DRC11: variants seen among roughly 807,000 people sequenced by gnomAD.
DRC11 encodes IQ and AAA domain-containing protein 1.
chr2:236,415,212 C>A, the DRC11 span, among the ~76,000 whole-genome samples: 1 of 152,042 alleles, frequency 6.6e-6, no homozygotes, highest in African/African-American at 2.4e-5. This position sits in a 1 kb window ranked among gnomAD's most constrained non-coding sequence, Gnocchi z 5.7. Flanking sequence ...AACATGAGGT[C>A]TTTTCAAGTT....
the DRC11 span, among the ~76,000 whole-genome samples, chr2:236,496,689 C>T: frequency 6.6e-6 from 1 of 152,174 alleles, no homozygotes; most frequent in Non-Finnish European, 1.5e-5. This position sits in a 1 kb window ranked among gnomAD's most constrained non-coding sequence, Gnocchi z 6.3. Flanking sequence ...AGGCCCACTG[C>T]CATGTAAGCC....
At chr2:236,420,243 C>T in the DRC11 span, among the ~76,000 whole-genome samples, 6 of 152,334 alleles carry the variant, frequency 3.9e-5, no homozygotes, top group South Asian at 6.2e-4. This position sits in a 1 kb window ranked among gnomAD's most constrained non-coding sequence, Gnocchi z 4.8. Flanking sequence ...CAGGGACACA[C>T]AGCTAGTGAG....
the DRC11 span, chr2:236,399,370 C>T: frequency 5.4e-5 from 80 of 1,485,506 alleles, no homozygotes; most frequent in East Asian, 8.6e-4. The surrounding 1 kb of genome is among the most constrained non-coding windows in gnomAD (Gnocchi z 7.0). Context: ...GTTCCCAGCA[C>T]GTGCTGCTGT....
the DRC11 span, chr2:236,493,649 G>A: frequency 2.6e-6 from 2 of 771,146 alleles, no homozygotes; most frequent in African/African-American, 1.8e-5. Context: ...TATAACGAGG[G>A]AGGGATCATT....
chr2:236,439,826 C>T, the DRC11 span, among the ~76,000 whole-genome samples: 1 of 151,772 alleles, frequency 6.6e-6, no homozygotes, highest in Non-Finnish European at 1.5e-5. Flanking sequence ...ATTTTATTTC[C>T]TTAAAAAAGA....
At chr2:236,392,957 G>A in the DRC11 span, among the ~76,000 whole-genome samples, 1 of 152,126 alleles carries the variant, frequency 6.6e-6, no homozygotes, top group East Asian at 1.9e-4. The surrounding 1 kb of genome is among the most constrained non-coding windows in gnomAD (Gnocchi z 5.1). Context: ...GGTGGACCTG[G>A]AGAAACATGA....
chr2:236,406,953 G>A, the DRC11 span, among the ~76,000 whole-genome samples: 1,375 of 152,212 alleles, frequency 9.0e-3, 19 homozygotes, highest in African/African-American at 0.031. This position sits in a 1 kb window ranked among gnomAD's most constrained non-coding sequence, Gnocchi z 4.7. Flanking sequence ...CACCATGTTG[G>A]CCAGGATGGT....
At chr2:236,346,857 T>C in the DRC11 span, 58,294 of 165,962 alleles carry the variant, frequency 0.35, 10,580 homozygotes, top group Non-Finnish European at 0.4. Context: ...GGCGAGTGGG[T>C]TCAACCATGT....
the DRC11 span, among the ~76,000 whole-genome samples, chr2:236,463,634 A>G: frequency 1.3e-5 from 2 of 152,382 alleles, no homozygotes; most frequent in East Asian, 3.9e-4. This position sits in a 1 kb window ranked among gnomAD's most constrained non-coding sequence, Gnocchi z 5.0. Flanking sequence ...GATCCCACAT[A>G]AAGTTAACAC....
the DRC11 span, among the ~76,000 whole-genome samples, chr2:236,451,763 G>A: frequency 4.6e-5 from 7 of 152,256 alleles, no homozygotes; most frequent in Admixed American, 3.9e-4. Flanking sequence ...GATGTATAAT[G>A]AAAATTGTAT....
the DRC11 span, among the ~76,000 whole-genome samples, chr2:236,455,676 C>A: frequency 2.0e-5 from 3 of 152,212 alleles, no homozygotes. The surrounding 1 kb of genome is among the most constrained non-coding windows in gnomAD (Gnocchi z 5.7). Context: ...CCAGGTCCCA[C>A]AAGCCTTCGA....
At chr2:236,401,930 A>G in the DRC11 span, among the ~76,000 whole-genome samples, 1 of 152,138 alleles carries the variant, frequency 6.6e-6, no homozygotes, top group Non-Finnish European at 1.5e-5. This position sits in a 1 kb window ranked among gnomAD's most constrained non-coding sequence, Gnocchi z 4.6. Context: ...ACTTAAACTT[A>G]TGTTCTTTAA....
At chr2:236,429,191 T>C in the DRC11 span, among the ~76,000 whole-genome samples, 1 of 152,170 alleles carries the variant, frequency 6.6e-6, no homozygotes, top group African/African-American at 2.4e-5. This position sits in a 1 kb window ranked among gnomAD's most constrained non-coding sequence, Gnocchi z 5.9. Context: ...TGGCTCCGAA[T>C]CTGGGGGAGC....
At chr2:236,393,295 C>T in the DRC11 span, among the ~76,000 whole-genome samples, 1 of 152,182 alleles carries the variant, frequency 6.6e-6, no homozygotes, top group Non-Finnish European at 1.5e-5. The surrounding 1 kb of genome is among the most constrained non-coding windows in gnomAD (Gnocchi z 4.7). Flanking sequence ...AGGGCACAGA[C>T]AGAGGCTCCC....
the DRC11 span, among the ~76,000 whole-genome samples, chr2:236,412,049 TA>T: frequency 1.0e-4 from 15 of 145,586 alleles, no homozygotes; most frequent in African/African-American, 2.8e-4. Context: ...AGTATAATAA[TA>T]AAAAAAAAAG....
chr2:236,443,134 T>C, the DRC11 span, among the ~76,000 whole-genome samples: 1 of 152,226 alleles, frequency 6.6e-6, no homozygotes, highest in Non-Finnish European at 1.5e-5. The surrounding 1 kb of genome is among the most constrained non-coding windows in gnomAD (Gnocchi z 4.4). Context: ...TATTATTTTT[T>C]ACTGCATCCT....
the DRC11 span, among the ~76,000 whole-genome samples, chr2:236,372,113 T>C: frequency 8.5e-5 from 13 of 152,178 alleles, no homozygotes; most frequent in South Asian, 6.2e-4. The surrounding 1 kb of genome is among the most constrained non-coding windows in gnomAD (Gnocchi z 4.5). Flanking sequence ...GACCGCAGCA[T>C]TTACCCCAAG....
the DRC11 span, among the ~76,000 whole-genome samples, chr2:236,484,966 C>T: frequency 6.6e-6 from 1 of 152,212 alleles, no homozygotes; most frequent in Non-Finnish European, 1.5e-5. Context: ...CATTCTCCTA[C>T]TAAATCTCTT....
the DRC11 span, among the ~76,000 whole-genome samples, chr2:236,346,226 C>T: frequency 2.0e-5 from 3 of 152,230 alleles, no homozygotes; most frequent in Non-Finnish European, 4.4e-5. Context: ...AGTTGGCAGA[C>T]ATGTGCCAGG....
Sources: allele counts gnomAD v4.1 joint callset (sites outside exome capture counted in the v4.1 genomes callset), GRCh38; gene constraint gnomAD v4.1.1; non-coding constraint Gnocchi (gnomAD v3.1); transcripts MANE v1.5; gene names NCBI Gene and HGNC (gene_info 2026-07-23, HGNC 2026-07-21).